CSMD1: variants seen among roughly 807,000 people sequenced by gnomAD.
CSMD1 encodes the protein CUB and sushi domain-containing protein 1.
A neutral mutation model predicts 417.5 loss-of-function variants in CSMD1; 213 were observed. That is an observed-to-expected ratio of 0.51 (90% CI 0.46 to 0.57). The LOEUF (loss-of-function observed/expected upper bound fraction) is 0.57. Ranked by LOEUF, CSMD1 falls within the 20% of genes least tolerant of loss-of-function variation. The pLI is 0.00. For missense variants in CSMD1, 6,923 were observed against 4,529.7 expected (o/e 1.53, Z -15.17); for synonymous variants, 2,862 against 1,736.8 (o/e 1.65, Z -16.11).
intron 10 of CSMD1, among the ~76,000 whole-genome samples, chr8:3,508,205 G>T (rs913669492): frequency 6.6e-6 from 1 of 152,098 alleles, no homozygotes; most frequent in African/African-American, 2.4e-5. Flanking sequence ...TGGTTGTCTA[G>T]AAATAGCAGG....
At chr8:3,212,754 T>C (rs1191843694) in intron 30 of CSMD1, among the ~76,000 whole-genome samples, 3 of 152,104 alleles carry the variant, frequency 2.0e-5, no homozygotes, top group East Asian at 1.9e-4. Context: ...CTTAGAAACA[T>C]AGAAATAGCA....
chr8:3,929,053 C>T (rs573614710), intron 5 of CSMD1, among the ~76,000 whole-genome samples: 24 of 150,432 alleles, frequency 1.6e-4, no homozygotes, highest in Non-Finnish European at 2.5e-4. Flanking sequence ...TTGCCATCTA[C>T]TAATTGCAGA....
intron 2 of CSMD1, among the ~76,000 whole-genome samples, chr8:4,507,759 G>C (rs1461510654): frequency 6.6e-6 from 1 of 152,182 alleles, no homozygotes; most frequent in Non-Finnish European, 1.5e-5. Context: ...AAGACATCTT[G>C]ATGATTGTCT....
At chr8:3,441,628 A>T (rs1197200352) in intron 12 of CSMD1, among the ~76,000 whole-genome samples, 1 of 152,134 alleles carries the variant, frequency 6.6e-6, no homozygotes, top group East Asian at 1.9e-4. Flanking sequence ...ACCTAATGAC[A>T]TAGTAGCCAT....
At chr8:4,458,993 C>A (rs1051618929) in intron 2 of CSMD1, among the ~76,000 whole-genome samples, 1 of 152,186 alleles carries the variant, frequency 6.6e-6, no homozygotes, top group Admixed American at 6.6e-5. Context: ...TGAGGATTCA[C>A]GTTTGTGCAG....
intron 22 of CSMD1, among the ~76,000 whole-genome samples, chr8:3,346,203 G>GT (rs35620062): frequency 0.015 from 2,227 of 152,052 alleles, 51 homozygotes; most frequent in African/African-American, 0.05. Context: ...TGAGAAGCAC[G>GT]TTTTTTTAAA....
intron 49 of CSMD1, among the ~76,000 whole-genome samples, chr8:3,056,645 C>G (rs750481221): frequency 9.9e-5 from 15 of 152,262 alleles, no homozygotes; most frequent in Admixed American, 2.0e-4. Context: ...GCTGGGATTA[C>G]AAGCATGAGC....
At chr8:4,850,380 A>ATATTTTTTT (rs1403352847) in intron 1 of CSMD1, among the ~76,000 whole-genome samples, 54 of 82,676 alleles carry the variant, frequency 6.5e-4, no homozygotes, top group African/African-American at 8.8e-4. Context: ...AATCCAATTT[A>ATATTTTTTT]TCTTTTTTTT....
intron 11 of CSMD1, among the ~76,000 whole-genome samples, chr8:3,487,870 C>T (rs1351208681): frequency 6.6e-6 from 1 of 151,604 alleles, no homozygotes; most frequent in Non-Finnish European, 1.5e-5. Flanking sequence ...AGTAACATTA[C>T]CAATTTTTTC....
chr8:3,512,619 T>A (rs543503594), intron 10 of CSMD1, among the ~76,000 whole-genome samples: 11,982 of 141,514 alleles, frequency 0.085, 600 homozygotes, highest in African/African-American at 0.15. Context: ...TTTTTTTTTT[T>A]AAGACAGAGT....
chr8:4,453,671 C>T (rs73178965), intron 2 of CSMD1, among the ~76,000 whole-genome samples: 4 of 152,162 alleles, frequency 2.6e-5, no homozygotes, highest in Non-Finnish European at 5.9e-5. Context: ...CCTGCAGGTC[C>T]CGCAGTCTAC....
intron 1 of CSMD1, among the ~76,000 whole-genome samples, chr8:4,769,733 G>C (rs1363928474): frequency 6.6e-6 from 1 of 152,162 alleles, no homozygotes; most frequent in Admixed American, 6.5e-5. Flanking sequence ...GTCCAAACCA[G>C]GTAAGTCAAG....
At chr8:4,674,079 A>C (rs6558899) in intron 1 of CSMD1, among the ~76,000 whole-genome samples, 37 of 152,244 alleles carry the variant, frequency 2.4e-4, no homozygotes, top group African/African-American at 8.2e-4. Flanking sequence ...TTTCTCACTT[A>C]TATGCATTAT....
chr8:3,124,825 T>C (rs1817406831), intron 41 of CSMD1, among the ~76,000 whole-genome samples: 1 of 152,224 alleles, frequency 6.6e-6, no homozygotes, highest in Non-Finnish European at 1.5e-5. Flanking sequence ...ATCATAATGA[T>C]GACAATGATG....
At chr8:3,197,197 G>A (rs561917173) in intron 33 of CSMD1, among the ~76,000 whole-genome samples, 68 of 152,286 alleles carry the variant, frequency 4.5e-4, no homozygotes, top group African/African-American at 1.5e-3. Flanking sequence ...AGGGTGGGAA[G>A]CAGAAGGCTA....
At chr8:4,232,627 T>A (rs990824755) in intron 3 of CSMD1, among the ~76,000 whole-genome samples, 21 of 152,180 alleles carry the variant, frequency 1.4e-4, no homozygotes, top group African/African-American at 5.1e-4. Context: ...GCAAATTAGA[T>A]GAAGGGTATT....
rs912198097 is a variant in CSMD1 at position 3,123,476 on chromosome 8, C to T, written c.6242-4889G>A. Among the ~76,000 whole-genome samples the T allele has an allele frequency of 2.6e-5, 4 of 152,186 alleles. 1 individual carries two copies. Among genetic ancestry groups the T allele is most frequent in the Admixed American group, 2.0e-4 (3 of 15,274 alleles). On this transcript the variant is annotated intron_variant, in intron 41 of 69. Transcript: ENST00000635120. ...CTGAGTTTCAACTATCAACACATTTCCTTCTTTATTATTCTCTTTTAGAAT... is the reference window on the plus strand; with the variant it reads ...CTGAGTTTCAACTATCAACACATTTTCTTCTTTATTATTCTCTTTTAGAAT...
At chr8:4,328,593 A>T (rs909486343) in intron 3 of CSMD1, among the ~76,000 whole-genome samples, 1 of 152,144 alleles carries the variant, frequency 6.6e-6, no homozygotes, top group Admixed American at 6.6e-5. Context: ...AAAAATTAAA[A>T]ATGAAGTCAT....
At chr8:3,923,437 G>A (rs767179115) in intron 5 of CSMD1, among the ~76,000 whole-genome samples, 4 of 151,798 alleles carry the variant, frequency 2.6e-5, no homozygotes, top group Admixed American at 2.6e-4. Context: ...TTGCTTATTG[G>A]ATCATTTGCT....
Sources: allele counts gnomAD v4.1 joint callset (sites outside exome capture counted in the v4.1 genomes callset), GRCh38; gene constraint gnomAD v4.1.1; transcripts MANE v1.5; gene names NCBI Gene and HGNC (gene_info 2026-07-23, HGNC 2026-07-21).